WARS2: variants seen among roughly 807,000 people sequenced by gnomAD.
The protein encoded by WARS2 is tryptophanyl tRNA synthetase 2, mitochondrial.
WARS2 carries 28 observed loss-of-function variants against 36.5 expected under a neutral mutation model. The observed-to-expected ratio is 0.77, with a 90% CI of 0.57 to 1.05. The LOEUF (loss-of-function observed/expected upper bound fraction) is 1.05. Among genes scored for constraint, WARS2 ranks in the 50% least tolerant of loss-of-function variants. The pLI, the probability that WARS2 is intolerant of heterozygous loss-of-function variation, is 0.00. For missense variants in WARS2, 435 were observed against 456.8 expected, an observed-to-expected ratio of 0.95 and a Z score of 0.44; for synonymous variants, 174 against 178.4, an observed-to-expected ratio of 0.98 and a Z score of 0.20.
In WARS2 at chr1:119,078,831, A is replaced by C. The variant is rs587748603; in HGVS notation, c.91-2224T>G. Among the ~76,000 whole-genome samples the C allele has an allele frequency of 7.9e-5, 12 of 152,134 alleles. No individual in the cohort carries two copies. The South Asian group carries it at 2.5e-3, about 32-fold the overall frequency. On this transcript the variant is annotated intron_variant, in intron 1 of 5. Coordinates refer to ENST00000235521, the MANE Select transcript of WARS2 (RefSeq NM_015836.4). ...CTTAATTTTATGAATCAGATATATAACTTCTGATAACAGATTATTGTATCA... is the reference window on the plus strand; with the variant it reads ...CTTAATTTTATGAATCAGATATATACCTTCTGATAACAGATTATTGTATCA...
intron 1 of WARS2, among the ~76,000 whole-genome samples, chr1:119,089,183 A>G (rs1279165797): frequency 6.6e-6 from 1 of 152,214 alleles, no homozygotes; most frequent in Non-Finnish European, 1.5e-5. Context: ...GGCATAAAAT[A>G]GTTTACAAAA....
At chr1:119,081,221 T>G (rs1298747142) in intron 1 of WARS2, among the ~76,000 whole-genome samples, 1 of 152,240 alleles carries the variant, frequency 6.6e-6, no homozygotes, top group African/African-American at 2.4e-5. Context: ...GTAATTTCCT[T>G]AATTTTCTTA....
intron 3 of WARS2, among the ~76,000 whole-genome samples, chr1:119,044,745 A>ATAG (rs1366999559): frequency 2.6e-5 from 4 of 152,172 alleles, no homozygotes; most frequent in African/African-American, 9.7e-5. Context: ...AAGAGCACTA[A>ATAG]TCTCACTCAT....
chr1:119,109,607 T>C (rs1654489420), intron 1 of WARS2, among the ~76,000 whole-genome samples: 1 of 151,940 alleles, frequency 6.6e-6, no homozygotes, highest in African/African-American at 2.4e-5. Context: ...AGTGGGTTTC[T>C]TGTAGACAAC....
At chr1:119,080,092 G>A (rs587699228) in intron 1 of WARS2, among the ~76,000 whole-genome samples, 16 of 152,180 alleles carry the variant, frequency 1.1e-4, no homozygotes, top group African/African-American at 3.6e-4. Context: ...TTTCAGTGCA[G>A]TAAGAAATGA....
At chr1:119,055,688 A>T (rs1022117611) in intron 2 of WARS2, among the ~76,000 whole-genome samples, 1 of 149,316 alleles carries the variant, frequency 6.7e-6, no homozygotes, top group African/African-American at 2.6e-5. Flanking sequence ...AAGGCAAGAA[A>T]GAAAGAAAAG....
intron 2 of WARS2, among the ~76,000 whole-genome samples, chr1:119,070,531 T>G (rs1448316468): frequency 6.6e-6 from 1 of 152,038 alleles, no homozygotes; most frequent in Non-Finnish European, 1.5e-5. Flanking sequence ...CCTCCCAAAG[T>G]GCTGGTATTA....
intron 1 of WARS2, among the ~76,000 whole-genome samples, chr1:119,137,285 T>TA (rs1290896202): frequency 2.0e-5 from 3 of 152,186 alleles, no homozygotes; most frequent in Non-Finnish European, 4.4e-5. Context: ...ATTTTAAAAT[T>TA]AAAAAAATTT....
In WARS2 at chr1:119,035,212, C is replaced by G. The variant is rs181182793; in HGVS notation, c.516-999G>C. Among the ~76,000 whole-genome samples the G allele has an allele frequency of 1.6e-3, 251 of 152,132 alleles. 3 individuals carry two copies. The highest frequency in any genetic ancestry group is 3.4e-4 in the Non-Finnish European group (23 of 68,012). On this transcript the variant is annotated intron_variant, in intron 4 of 5. Coordinates refer to ENST00000235521, the MANE Select transcript of WARS2 (RefSeq NM_015836.4). Reference sequence around the variant, plus strand: ...TGATGAGGAAAATTTTATACTGAAGCAATATGGCGGGATTAAAAAACAGGC... The same window carrying G: ...TGATGAGGAAAATTTTATACTGAAGGAATATGGCGGGATTAAAAAACAGGC...
intron 1 of WARS2, among the ~76,000 whole-genome samples, chr1:119,134,123 A>C (rs1204068243): frequency 6.6e-6 from 1 of 151,960 alleles, no homozygotes; most frequent in Non-Finnish European, 1.5e-5. Context: ...CAACCTAACC[A>C]AGGTCATTCA....
chr1:119,045,210 A>C (rs1056240707), intron 3 of WARS2, among the ~76,000 whole-genome samples: 3 of 152,190 alleles, frequency 2.0e-5, no homozygotes, highest in African/African-American at 7.2e-5. Flanking sequence ...TCCACAATGA[A>C]AACATTCTTT....
At chr1:119,052,445 G>A (rs1649444490) in intron 2 of WARS2, among the ~76,000 whole-genome samples, 1 of 152,154 alleles carries the variant, frequency 6.6e-6, no homozygotes, top group Non-Finnish European at 1.5e-5. Flanking sequence ...CAGGAACTCT[G>A]GGGTTCTGAT....
At chr1:119,123,352 T>C (rs1354359050) in intron 1 of WARS2, among the ~76,000 whole-genome samples, 2 of 152,208 alleles carry the variant, frequency 1.3e-5, no homozygotes, top group African/African-American at 2.4e-5. Context: ...CTTTGGGTAA[T>C]GATAGCTTGA....
intron 4 of WARS2, 88 bp from the exon 5 acceptor site, chr1:119,034,301 T>C: frequency 9.4e-7 from 1 of 1,058,208 alleles, no homozygotes. Flanking sequence ...TTCCTGTGAA[T>C]ATTTCACTGT....
intron 1 of WARS2, among the ~76,000 whole-genome samples, chr1:119,090,818 C>G (rs1259260756): frequency 2.6e-5 from 4 of 152,096 alleles, no homozygotes. Context: ...ACTGCTTGAG[C>G]CTGGACATCG....
intron 2 of WARS2, among the ~76,000 whole-genome samples, chr1:119,057,446 A>G (rs919109514): frequency 3.3e-5 from 5 of 150,792 alleles, no homozygotes; most frequent in African/African-American, 1.2e-4. Context: ...GCCTGGCCCC[A>G]TTTGTTACCT....
At chr1:119,040,094 C>T (rs1466118743) in intron 4 of WARS2, among the ~76,000 whole-genome samples, 1 of 152,218 alleles carries the variant, frequency 6.6e-6, no homozygotes, top group African/African-American at 2.4e-5. Context: ...TAAATCCTGA[C>T]TCTGCTACTT....
chr1:119,069,075 T>G (rs1571312395), intron 2 of WARS2, among the ~76,000 whole-genome samples: 1 of 152,186 alleles, frequency 6.6e-6, no homozygotes, highest in Non-Finnish European at 1.5e-5. Flanking sequence ...AAGTCAACAT[T>G]GTAACATAGC....
intron 2 of WARS2, among the ~76,000 whole-genome samples, chr1:119,061,311 G>C (rs948658863): frequency 4.6e-5 from 7 of 151,884 alleles, no homozygotes; most frequent in Non-Finnish European, 7.4e-5. Flanking sequence ...AGATACAAAA[G>C]AAAATATTCC....
Sources: gnomAD v4.1 joint callset for allele counts (sites outside exome capture counted in the v4.1 genomes callset) on GRCh38, gnomAD v4.1.1 for gene constraint, MANE v1.5 for transcripts, NCBI Gene and HGNC (gene_info 2026-07-23, HGNC 2026-07-21) for gene names.